CBY3: variants seen among roughly 807,000 people sequenced by gnomAD.
CBY3 encodes sperm annulus positioning complex subunit Chibby3.
A neutral mutation model predicts 3.0 loss-of-function variants in CBY3; 7 were observed. The observed-to-expected ratio is 2.32, with a 90% CI of 1.32 to 4.35. The LOEUF (loss-of-function observed/expected upper bound fraction) is 4.35. Ranked by LOEUF, CBY3 falls within the 30% of genes most tolerant of loss-of-function variation. The probability of loss-of-function intolerance (pLI) is 0.00; values close to 1 mark genes in which losing one functional copy is unlikely to be tolerated. For missense variants in CBY3, 400 were observed against 336.4 expected (o/e 1.19, Z -1.48); for synonymous variants, 170 against 154.5 (o/e 1.10, Z -0.74).
chr5:179,680,946 C>T lies in CBY3; in HGVS notation c.-28G>A. On this transcript the variant is annotated 5_prime_UTR_variant, in exon 1 of 2. Transcript: ENST00000376974. ...AGGCCCACCCTTGAGATTGTATCTT[C>T]TCGGAGGATGTTTCCCCGTTAGTCC... 6.5e-7 allele frequency: 1 copy of T among 1,533,034 alleles called. No homozygotes were observed. The highest frequency in any genetic ancestry group is 8.7e-7 in the Non-Finnish European group (1 of 1,143,964). 95.0% of individuals were successfully genotyped at this position (1,533,034 alleles called of 1,614,324 possible). A position where few individuals can be genotyped will look rare whatever the true frequency, so the allele number is the denominator to read the frequency against.
At chr5:179,680,812 C>T (rs756629802) in intron 1 of CBY3, 61 bp downstream of exon 1, 83 of 1,364,892 alleles carry the variant, frequency 6.1e-5, no homozygotes, top group Non-Finnish European at 8.0e-5. Flanking sequence ...GTTATGCCTT[C>T]GTTAATTCAT....
In CBY3 at chr5:179,679,054, C is replaced by T; in HGVS notation, c.258G>A (p.Arg86=). ...GTGGCGGCCGCCGTGGCGAGAAGGG[C>T]CGCGAGATGTGATCGGCCCAAAACT... ...LQQFWADHIS[R]PFSPRRPPLR... Residue 86 remains arginine, a synonymous_variant, in exon 2 of 2, where the codon CGG becomes CGA. Transcript: ENST00000376974. The T allele has an allele frequency of 2.6e-6, 4 of 1,534,430 alleles. No homozygotes were observed. The highest frequency in any genetic ancestry group is 2.4e-5 in the South Asian group (2 of 83,936).
rs1435515354 is a variant in CBY3, at chr5:179,679,129, G to T, written c.183C>A (p.Phe61Leu). Residue 61 changes from phenylalanine (F) to leucine (L), a missense_variant, in exon 2 of 2, where the codon TTC becomes TTA. Coordinates refer to ENST00000376974, the MANE Select transcript of CBY3 (RefSeq NM_001164444.2). ...VPYKVHALAT[F>L]ECSATSHASR... ...TGGCATGGCTCGTAGCCGAGCACTCGAAGGTTGCCAGGGCGTGGACCTTGT... is the reference window on the plus strand; with the variant it reads ...TGGCATGGCTCGTAGCCGAGCACTCTAAGGTTGCCAGGGCGTGGACCTTGT... 2.0e-6 allele frequency: 3 copies of T among 1,535,658 alleles called. No individual in the cohort carries two copies. The highest frequency in any genetic ancestry group is 2.6e-6 in the Non-Finnish European group (3 of 1,146,848).
rs904804054 is a variant in CBY3 at position 179,678,771 on chromosome 5, G to C, written c.541C>G (p.Leu181Val). Residue 181 changes from leucine to valine, a missense_variant, in exon 2 of 2, where the codon CTG becomes GTG. By Grantham distance (32) the Leu-to-Val change is conservative (BLOSUM62 1). Transcript: ENST00000376974. ...VLLEENNYLKLQQELLIDMLT... is the reference protein window; with the variant it reads ...VLLEENNYLKVQQELLIDMLT... Reference sequence around the variant, plus strand: ...ATGTCTATGAGCAGTTCCTGCTGCAGCTTCAGGTAGTTGTTCTCCTCCAGC... The same window carrying C: ...ATGTCTATGAGCAGTTCCTGCTGCACCTTCAGGTAGTTGTTCTCCTCCAGC... 47 of 1,536,964 alleles carry C rather than the reference G, an allele frequency of 3.1e-5. No homozygotes were observed. The African/African-American group carries it at 4.8e-4, about 16-fold the overall frequency.
intron 1 of CBY3, 65 bp from the exon 2 acceptor site, chr5:179,679,330 G>C (rs6880839): frequency 1.5e-6 from 2 of 1,328,448 alleles, no homozygotes; most frequent in African/African-American, 2.9e-5. Context: ...CCGCGAGGCC[G>C]GCGGACATGT....
Position 179,678,614 on chromosome 5 carries a change from A to G in CBY3, c.698T>C (p.Met233Thr), listed in dbSNP as rs749688064. Residue 233 changes from methionine (M) to threonine (T), a missense_variant, in exon 2 of 2, where the codon ATG becomes ACG. Physicochemically the swap from Met to Thr is moderately conservative, Grantham distance 81. Coordinates refer to ENST00000376974, the MANE Select transcript of CBY3 (RefSeq NM_001164444.2). ...KRAGASAGVL[M>T]IQPCALDSQ ...CGAGTCCAGAGCGCACGGCTGGATC[A>G]TGAGCACGCCCGCGCTGGCGCCTGC... 4 of 1,530,556 alleles carry G rather than the reference A, an allele frequency of 2.6e-6. No homozygotes were observed. Among genetic ancestry groups the G allele is most frequent in the Non-Finnish European group, 2.6e-6 (3 of 1,142,666 alleles). The allele number at this position is 1,530,556 out of a possible 1,614,324, so 94.8% of individuals were successfully genotyped here.
intron 1 of CBY3, among the ~76,000 whole-genome samples, chr5:179,679,722 G>A (rs1776005697): frequency 2.0e-5 from 3 of 152,100 alleles, no homozygotes; most frequent in South Asian, 2.1e-4. Flanking sequence ...GCAATTGCGC[G>A]ATCTTGGCTC....
intron 1 of CBY3, among the ~76,000 whole-genome samples, chr5:179,680,032 C>T (rs1337091363): frequency 7.4e-6 from 1 of 134,472 alleles, no homozygotes; most frequent in Non-Finnish European, 1.5e-5. Flanking sequence ...AGGCTGGTCT[C>T]GAACTCCGGA....
chr5:179,679,117 A>T lies in CBY3; in HGVS notation c.195T>A (p.Ala65=). Residue 65 remains alanine, a synonymous_variant, in exon 2 of 2, where the codon GCT becomes GCA. Coordinates refer to ENST00000376974, the MANE Select transcript of CBY3 (RefSeq NM_001164444.2). ...GCCACAGGCGGCTGGCATGGCTCGT[A>T]GCCGAGCACTCGAAGGTTGCCAGGG... is the stretch of plus-strand genomic sequence containing the variant. The part of the protein sequence containing the change: ...VHALATFECS[A]TSHASRLWQT... 1 of 1,535,696 alleles carries T rather than the reference A, an allele frequency of 6.5e-7. No homozygotes were observed. Among genetic ancestry groups the T allele is most frequent in the Non-Finnish European group, 8.7e-7 (1 of 1,146,832 alleles).
In CBY3 at chr5:179,678,604, C is replaced by T; in HGVS notation, c.708G>A (p.Pro236=). The T allele has an allele frequency of 9.8e-6, 15 of 1,525,470 alleles. No individual in the cohort carries two copies. The highest frequency in any genetic ancestry group is 1.2e-5 in the Non-Finnish European group (14 of 1,139,512). 94.5% of individuals were successfully genotyped at this position (1,525,470 alleles called of 1,614,324 possible). A position where few individuals can be genotyped will look rare whatever the true frequency, so the allele number is the denominator to read the frequency against. ...GASAGVLMIQ[P]CALDSQ ...TGCGTCACTGCGAGTCCAGAGCGCA[C>T]GGCTGGATCATGAGCACGCCCGCGC... The change falls in exon 2 of 2, where the codon CCG becomes CCA. Residue 236 remains proline, a synonymous_variant. Transcript: ENST00000376974.
Position 179,679,041 on chromosome 5 carries a change from G to T in CBY3, c.271C>A (p.Arg91=), listed in dbSNP as rs1412740205. 5 of 1,534,290 alleles carry T rather than the reference G, an allele frequency of 3.3e-6. No homozygotes were observed. The highest frequency in any genetic ancestry group is 3.5e-6 in the Non-Finnish European group (4 of 1,145,834). The change falls in exon 2 of 2, where the codon CGG becomes AGG. Residue 91 remains arginine, a synonymous_variant. Coordinates refer to ENST00000376974, the MANE Select transcript of CBY3 (RefSeq NM_001164444.2). ...ADHISRPFSP[R]RPPLRRMPSL... ...GGCATGCGGCGCAGTGGCGGCCGCC[G>T]TGGCGAGAAGGGCCGCGAGATGTGA...
rs1775973734 is a variant in CBY3 at position 179,678,893 on chromosome 5, G to C, written c.419C>G (p.Thr140Ser). The C allele has an allele frequency of 2.6e-6, 4 of 1,535,254 alleles. No homozygotes were observed. The highest frequency in any genetic ancestry group is 3.5e-6 in the Non-Finnish European group (4 of 1,145,816). ...QAFVFRGGRW[T>S]TESQLARTRS... ...CGTCCTCGCCAGCTGGCTCTCAGTG[G>C]TCCACCGCCCGCCGCGGAACACGAA... is the stretch of plus-strand genomic sequence containing the variant. Residue 140 changes from threonine to serine, a missense_variant, in exon 2 of 2, where the codon ACC becomes AGC. Physicochemically the swap from Thr to Ser is moderately conservative, Grantham distance 58. Transcript: ENST00000376974.
chr5:179,679,075 A>G lies in CBY3; in HGVS notation c.237T>C (p.Phe79=), dbSNP rs1340960124. Residue 79 remains phenylalanine, a synonymous_variant, in exon 2 of 2, where the codon TTT becomes TTC. Coordinates refer to ENST00000376974, the MANE Select transcript of CBY3 (RefSeq NM_001164444.2). ...ASRLWQTLQQ[F]WADHISRPFS... is the part of the protein sequence containing the mutation. ...AGGGCCGCGAGATGTGATCGGCCCAAAACTGCTGCAGCGTCTGCCACAGGC... is the reference window on the plus strand; with the variant it reads ...AGGGCCGCGAGATGTGATCGGCCCAGAACTGCTGCAGCGTCTGCCACAGGC... 17 of 1,535,528 alleles carry G rather than the reference A, an allele frequency of 1.1e-5. No individual in the cohort carries two copies. Among genetic ancestry groups the G allele is most frequent in the African/African-American group, 6.8e-5 (5 of 73,056 alleles).
chr5:179,678,661 C>A lies in CBY3; in HGVS notation c.651G>T (p.Gly217=), dbSNP rs550624803. The A allele has an allele frequency of 1.3e-6, 2 of 1,535,442 alleles. No individual in the cohort carries two copies. Among genetic ancestry groups the A allele is most frequent in the Non-Finnish European group, 1.7e-6 (2 of 1,145,842 alleles). Residue 217 remains glycine (G), a synonymous_variant, in exon 2 of 2, where the codon GGG becomes GGT. Transcript: ENST00000376974. The stretch of plus-strand genomic sequence containing the variant: ...CTGCGCGCTTGCGCATCTTCCTCTG[C>A]CCGGCGCGCGCCGCAGCCGTCGGGA... ...EVIPTAAARA[G]QRKMRKRAGA... is the part of the protein sequence containing the mutation.
chr5:179,678,609 G>T lies in CBY3; in HGVS notation c.703C>A (p.Gln235Lys), dbSNP rs1562423010. The change falls in exon 2 of 2, where the codon CAG becomes AAG. Residue 235 changes from glutamine (Q) to lysine (K), a missense_variant. Transcript: ENST00000376974. ...AGASAGVLMI[Q>K]PCALDSQ ...CACTGCGAGTCCAGAGCGCACGGCTGGATCATGAGCACGCCCGCGCTGGCG... is the reference window on the plus strand; with the variant it reads ...CACTGCGAGTCCAGAGCGCACGGCTTGATCATGAGCACGCCCGCGCTGGCG... 6.5e-7 allele frequency: 1 copy of T among 1,528,526 alleles called. No homozygotes were observed. 94.7% of individuals were successfully genotyped at this position (1,528,526 alleles called of 1,614,324 possible).
At chr5:179,680,484 A>C (rs1409902351) in intron 1 of CBY3, among the ~76,000 whole-genome samples, 1 of 152,128 alleles carries the variant, frequency 6.6e-6, no homozygotes, top group Non-Finnish European at 1.5e-5. Context: ...TGGAAGACAG[A>C]TGCGTGTATA....
In CBY3 at chr5:179,680,872, C is replaced by T. The variant is rs1244000954; in HGVS notation, c.46+1G>A. On this transcript the variant is annotated splice_donor_variant, in intron 1 of 1. Coordinates refer to ENST00000376974, the MANE Select transcript of CBY3 (RefSeq NM_001164444.2). LOFTEE classifies it high-confidence loss of function. ...GTGGACAGAGGCTGGATGGTACATA[C>T]CATCCCCAAGATCTGGTTCAGGGAG... 6.5e-7 allele frequency: 1 copy of T among 1,536,578 alleles called. No individual in the cohort carries two copies. The highest frequency in any genetic ancestry group is 8.7e-7 in the Non-Finnish European group (1 of 1,146,434).
chr5:179,679,417 C>G (rs1347979624), intron 1 of CBY3, 152 bp from the exon 2 acceptor site: 3 of 642,612 alleles, frequency 4.7e-6, no homozygotes, highest in African/African-American at 1.8e-5. Context: ...CCACGCTGCA[C>G]AGGCAGCAGT....
chr5:179,680,667 C>T (rs921142085), intron 1 of CBY3, among the ~76,000 whole-genome samples: 5 of 152,136 alleles, frequency 3.3e-5, no homozygotes, highest in African/African-American at 1.2e-4. Flanking sequence ...ATTTTGCTCA[C>T]TTCTCTCTGC....
Sources: gnomAD v4.1 joint callset for allele counts (sites outside exome capture counted in the v4.1 genomes callset) on GRCh38, gnomAD v4.1.1 for gene constraint, MANE v1.5 for transcripts, NCBI Gene and HGNC (gene_info 2026-07-23, HGNC 2026-07-21) for gene names.